NAALADL2: variants seen among roughly 807,000 people sequenced by gnomAD.
The protein encoded by NAALADL2 is inactive N-acetylated-alpha-linked acidic dipeptidase-like protein 2.
NAALADL2 carries 76 observed loss-of-function variants against 87.2 expected under a neutral mutation model. The observed-to-expected ratio is 0.87, with a 90% CI of 0.72 to 1.05. The LOEUF (loss-of-function observed/expected upper bound fraction) is 1.05. NAALADL2 is among the 50% of genes least tolerant of loss of function. NAALADL2 has a pLI of 0.00. For missense variants in NAALADL2, 1,089 were observed against 945.8 expected, an observed-to-expected ratio of 1.15 and a Z score of -1.99; for synonymous variants, 354 against 331.0, an observed-to-expected ratio of 1.07 and a Z score of -0.75.
chr3:175,532,315 T>G (rs1235936509), intron 9 of NAALADL2, among the ~76,000 whole-genome samples: 2 of 152,116 alleles, frequency 1.3e-5, no homozygotes, highest in Non-Finnish European at 2.9e-5. Context: ...CATAGCACAG[T>G]TATGCTGGTA....
chr3:175,275,345 A>G (rs914952095), intron 4 of NAALADL2, among the ~76,000 whole-genome samples: 4 of 152,200 alleles, frequency 2.6e-5, no homozygotes, highest in Non-Finnish European at 5.9e-5. Flanking sequence ...GGATTTCTTA[A>G]TGTTTTTAGG....
chr3:175,342,505 CGTGTGTGTGTGT>C (rs35444340), intron 5 of NAALADL2, among the ~76,000 whole-genome samples: 1 of 146,618 alleles, frequency 6.8e-6, no homozygotes, highest in South Asian at 2.2e-4. Context: ...CCAAATATTG[CGTGTGTGTGTGT>C]GTGTGTGTGT....
chr3:174,824,467 A>C (rs994698876), intron 3 of NAALADL2, among the ~76,000 whole-genome samples: 2 of 152,210 alleles, frequency 1.3e-5, no homozygotes, highest in Non-Finnish European at 2.9e-5. Flanking sequence ...ACTATGCAAA[A>C]TATATCACAT....
chr3:174,909,121 G>A (rs1733357067), intron 1 of NAALADL2, among the ~76,000 whole-genome samples: 2 of 152,188 alleles, frequency 1.3e-5, no homozygotes, highest in South Asian at 4.2e-4. Context: ...AGGCACGGTG[G>A]CTCACACCTG....
At chr3:175,507,353 G>A (rs554567041) in intron 9 of NAALADL2, among the ~76,000 whole-genome samples, 14 of 152,232 alleles carry the variant, frequency 9.2e-5, no homozygotes, top group Non-Finnish European at 1.8e-4. Context: ...CCATGTCCAG[G>A]TGTCTCTTTT....
At chr3:174,471,974 A>G (rs961331083) in intron 1 of NAALADL2, among the ~76,000 whole-genome samples, 28 of 152,132 alleles carry the variant, frequency 1.8e-4, no homozygotes, top group Admixed American at 2.6e-4. Context: ...CAAATCATCT[A>G]AATAATAATT....
rs1232014126 is a variant in NAALADL2 at position 175,275,569 on chromosome 3, A to AC, written c.939+19039_939+19040insC. Among the ~76,000 whole-genome samples the AC allele has an allele frequency of 3.5e-3, 527 of 152,248 alleles. 1 individual carries two copies. Among genetic ancestry groups the AC allele is most frequent in the African/African-American group, 0.012 (495 of 41,556 alleles). On this transcript the variant is annotated intron_variant, in intron 4 of 13. Transcript: ENST00000454872. ...CAACCATTTACAGGCAGATGGCAGTAAACTGTCTCCTTGTAACAAAATGAC... is the reference window on the plus strand; with the variant it reads ...CAACCATTTACAGGCAGATGGCAGTACAACTGTCTCCTTGTAACAAAATGAC...
rs1032327886 is a variant in NAALADL2 at position 175,607,367 on chromosome 3, G to A, written c.1801-19924G>A. ...TAGTATGTGTATAATTCATAATTAT[G>A]CTTTTTTCCTTCCACTCTGCTAACT... On this transcript the variant is annotated intron_variant, in intron 10 of 13. Transcript: ENST00000454872. 3.3e-5 allele frequency among the ~76,000 whole-genome samples: 5 copies of A among 152,032 alleles called. No individual in the cohort carries two copies. The South Asian group carries it at 1.0e-3, about 32-fold the overall frequency.
chr3:175,168,440 T>C (rs1341297142), intron 2 of NAALADL2, among the ~76,000 whole-genome samples: 1 of 151,850 alleles, frequency 6.6e-6, no homozygotes, highest in African/African-American at 2.4e-5. Flanking sequence ...AGTCCTTTTA[T>C]AAGATATGTG....
intron 1 of NAALADL2, among the ~76,000 whole-genome samples, chr3:174,480,189 G>T (rs2108327857): frequency 6.6e-6 from 1 of 152,230 alleles, no homozygotes; most frequent in African/African-American, 2.4e-5. Flanking sequence ...GGAGAAACAA[G>T]CAAACGCTAA....
At chr3:174,885,133 C>G (rs984404279) in intron 1 of NAALADL2, among the ~76,000 whole-genome samples, 2 of 152,152 alleles carry the variant, frequency 1.3e-5, no homozygotes, top group African/African-American at 4.8e-5. Context: ...TTAGGGTCCT[C>G]ACACATATCC....
intron 11 of NAALADL2, among the ~76,000 whole-genome samples, chr3:175,658,485 G>T (rs1252190080): frequency 6.6e-6 from 1 of 152,062 alleles, no homozygotes; most frequent in Non-Finnish European, 1.5e-5. Context: ...AGAGATTGAG[G>T]TTAGCTAGTA....
At chr3:175,371,328 C>T (rs960644742) in intron 5 of NAALADL2, among the ~76,000 whole-genome samples, 2 of 151,908 alleles carry the variant, frequency 1.3e-5, no homozygotes, top group African/African-American at 2.4e-5. Context: ...ACTGCAGTGG[C>T]GCTATCTCGG....
chr3:175,439,068 C>T (rs984593210), intron 5 of NAALADL2, among the ~76,000 whole-genome samples: 4 of 152,116 alleles, frequency 2.6e-5, no homozygotes, highest in Non-Finnish European at 4.4e-5. Flanking sequence ...GTCCTCATAG[C>T]TTCGCTACTA....
At chr3:175,027,509 G>A (rs1171110105) in intron 1 of NAALADL2, among the ~76,000 whole-genome samples, 1 of 152,030 alleles carries the variant, frequency 6.6e-6, no homozygotes, top group Non-Finnish European at 1.5e-5. Flanking sequence ...AGACCTATGT[G>A]ACCAGATTAT....
chr3:174,641,667 T>A (rs1723200229), intron 2 of NAALADL2, among the ~76,000 whole-genome samples: 2 of 152,000 alleles, frequency 1.3e-5, no homozygotes. Context: ...GTACTGGGAG[T>A]CAACTAGACA....
At chr3:175,303,852 T>G (rs2110242476) in intron 4 of NAALADL2, among the ~76,000 whole-genome samples, 1 of 152,326 alleles carries the variant, frequency 6.6e-6, no homozygotes, top group South Asian at 2.1e-4. Context: ...CCAATTGCCT[T>G]ACATTACTAG....
At chr3:175,046,076 T>G (rs1457175957) in intron 1 of NAALADL2, among the ~76,000 whole-genome samples, 1 of 152,022 alleles carries the variant, frequency 6.6e-6, no homozygotes, top group Non-Finnish European at 1.5e-5. Flanking sequence ...TCCTTTCTGC[T>G]TGATACATTT....
At chr3:174,712,371 TCTC>T (rs1434943072) in intron 2 of NAALADL2, among the ~76,000 whole-genome samples, 1 of 147,252 alleles carries the variant, frequency 6.8e-6, no homozygotes, top group Non-Finnish European at 1.5e-5. Context: ...CAGTCTCACT[TCTC>T]CTCTTCTTTT....
Sources: allele counts gnomAD v4.1 joint callset (sites outside exome capture counted in the v4.1 genomes callset), GRCh38; gene constraint gnomAD v4.1.1; transcripts MANE v1.5; gene names NCBI Gene and HGNC (gene_info 2026-07-23, HGNC 2026-07-21).